The following CCDC150 variants were observed in gnomAD, a reference collection of about 807,000 sequenced individuals.
CCDC150 encodes the protein coiled-coil domain containing 150, also known as coiled-coil domain-containing protein 150.
Under a neutral mutation model 156.5 loss-of-function variants are expected in CCDC150, and 151 were observed. That is an observed-to-expected ratio of 0.97 (90% CI 0.85 to 1.10). The LOEUF is 1.10. Among genes scored for constraint, CCDC150 ranks in the 50% least tolerant of loss-of-function variants. The pLI, the probability that CCDC150 is intolerant of heterozygous loss-of-function variation, is 0.00. For missense variants in CCDC150, 1,312 were observed against 1,268.1 expected (o/e 1.03, Z -0.53); for synonymous variants, 452 against 429.4 (o/e 1.05, Z -0.65).
chr2:196,693,122 G>A (rs964076774), intron 13 of CCDC150, among the ~76,000 whole-genome samples: 1 of 152,050 alleles, frequency 6.6e-6, no homozygotes, highest in East Asian at 1.9e-4. Context: ...TCAGAAACTA[G>A]GATTGCAACC....
chr2:196,721,110 A>C (rs1285565005), intron 20 of CCDC150, among the ~76,000 whole-genome samples: 3 of 151,826 alleles, frequency 2.0e-5, no homozygotes, highest in African/African-American at 7.3e-5. Context: ...TTCATAAATA[A>C]GGTTTTTTTT....
chr2:196,712,501 A>G (rs1697196899), intron 16 of CCDC150, 176 bp from the exon 17 acceptor site: 1 of 604,298 alleles, frequency 1.7e-6, no homozygotes, highest in Non-Finnish European at 3.0e-6. Flanking sequence ...AATGTACTCC[A>G]TAAACTTTAT....
chr2:196,699,321 G>A (rs1390677815), intron 14 of CCDC150, among the ~76,000 whole-genome samples: 6 of 152,256 alleles, frequency 3.9e-5, no homozygotes, highest in Admixed American at 3.3e-4. Flanking sequence ...AATTCTGACA[G>A]GACAAATACT....
At chr2:196,723,298 C>T (rs1478609649) in intron 21 of CCDC150, among the ~76,000 whole-genome samples, 1 of 152,068 alleles carries the variant, frequency 6.6e-6, no homozygotes. Context: ...GTCAGGAGAT[C>T]GAGACCATCC....
chr2:196,669,954 TAC>T, intron 8 of CCDC150, 78 bp downstream of exon 8: 1 of 1,072,374 alleles, frequency 9.3e-7, no homozygotes, highest in East Asian at 2.4e-5. Flanking sequence ...CATGTTGGCT[TAC>T]AGTGCTTCTT....
Position 196,725,976 on chromosome 2 carries a change from C to T in CCDC150, c.2433C>T (p.Asp811=). 1 of 1,593,708 alleles carries T rather than the reference C, an allele frequency of 6.3e-7. No individual in the cohort carries two copies. The highest frequency in any genetic ancestry group is 1.3e-5 in the African/African-American group (1 of 74,686). ...TCACCTCTCTTCTTCAAAACAGAGACCGGATGACTGAAGAGTCCAAAGTGG... is the reference window on the plus strand; with the variant it reads ...TCACCTCTCTTCTTCAAAACAGAGATCGGATGACTGAAGAGTCCAAAGTGG... ...LERQNLETFK[D]RMTEESKVEA... The change falls in exon 22 of 28, where the codon GAC becomes GAT. Residue 811 remains aspartate (D), a synonymous_variant. Coordinates refer to ENST00000389175, the MANE Select transcript of CCDC150 (RefSeq NM_001080539.2).
At chr2:196,693,789 T>G (rs544600163) in intron 13 of CCDC150, among the ~76,000 whole-genome samples, 8 of 152,306 alleles carry the variant, frequency 5.3e-5, no homozygotes, top group East Asian at 1.9e-4. Flanking sequence ...GATACATTTT[T>G]TAATCAACTA....
intron 5 of CCDC150, 112 bp from the exon 6 acceptor site, chr2:196,665,455 T>G (rs2125595859): frequency 1.8e-6 from 1 of 544,358 alleles, no homozygotes; most frequent in East Asian, 3.4e-5. Context: ...ATAAATGAAT[T>G]AAGACTGTTT....
At chr2:196,681,608 G>A (rs892310296) in intron 13 of CCDC150, among the ~76,000 whole-genome samples, 1 of 152,092 alleles carries the variant, frequency 6.6e-6, no homozygotes, top group African/African-American at 2.4e-5. Flanking sequence ...AAAAGTTCCA[G>A]TTTCTCCACA....
intron 5 of CCDC150, among the ~76,000 whole-genome samples, chr2:196,662,523 G>C (rs1406793993): frequency 6.6e-6 from 1 of 152,128 alleles, no homozygotes; most frequent in Non-Finnish European, 1.5e-5. Flanking sequence ...AGTCCTATGA[G>C]AATCTAATGC....
intron 15 of CCDC150, among the ~76,000 whole-genome samples, chr2:196,704,293 A>G (rs889232856): frequency 2.6e-5 from 4 of 152,206 alleles, no homozygotes; most frequent in African/African-American, 9.6e-5. Flanking sequence ...GCTGTACAGT[A>G]TTCCATTATG....
At chr2:196,671,424 TCTC>T (rs1694193718) in intron 8 of CCDC150, among the ~76,000 whole-genome samples, 1 of 114,032 alleles carries the variant, frequency 8.8e-6, no homozygotes, top group Non-Finnish European at 2.0e-5. Flanking sequence ...TTCTTTTCTC[TCTC>T]TTTTTTTTTT....
chr2:196,693,493 G>GGCGA, intron 13 of CCDC150, among the ~76,000 whole-genome samples: 1 of 152,104 alleles, frequency 6.6e-6, no homozygotes, highest in East Asian at 1.9e-4. Context: ...CAATAGATTT[G>GGCGA]CCCTTATATC....
At chr2:196,675,865 T>G (rs1249888631) in intron 10 of CCDC150, among the ~76,000 whole-genome samples, 2 of 152,208 alleles carry the variant, frequency 1.3e-5, no homozygotes, top group Admixed American at 6.5e-5. Flanking sequence ...TTTAAAAATT[T>G]GTTGGTATTA....
chr2:196,720,440 G>A (rs1028919946), intron 19 of CCDC150, 135 bp from the exon 20 acceptor site: 5 of 650,490 alleles, frequency 7.7e-6, no homozygotes, highest in Admixed American at 6.2e-5. Flanking sequence ...TTTTGTACTA[G>A]TGATATTTAC....
intron 13 of CCDC150, 82 bp downstream of exon 13, chr2:196,677,443 A>T: frequency 1.1e-6 from 1 of 922,776 alleles, no homozygotes; most frequent in African/African-American, 1.6e-5. Flanking sequence ...CTTAATGAGG[A>T]GATGGCTGAT....
At chr2:196,658,154 G>T (rs1161351157) in intron 4 of CCDC150, among the ~76,000 whole-genome samples, 6 of 152,090 alleles carry the variant, frequency 3.9e-5, no homozygotes, top group African/African-American at 1.4e-4. Flanking sequence ...GAAATTGGAG[G>T]CAGGGAAACC....
chr2:196,722,038 A>C (rs1330992181), intron 21 of CCDC150, among the ~76,000 whole-genome samples: 1 of 152,190 alleles, frequency 6.6e-6, no homozygotes, highest in Non-Finnish European at 1.5e-5. Context: ...CTTTAAAGGC[A>C]GATTTAGACA....
chr2:196,686,731 ATAT>A (rs960896343), intron 13 of CCDC150, among the ~76,000 whole-genome samples: 2 of 151,686 alleles, frequency 1.3e-5, no homozygotes, highest in African/African-American at 2.4e-5. Flanking sequence ...CATCACCCAG[ATAT>A]TATTATTTTT....
Sources: gnomAD v4.1 joint callset for allele counts (sites outside exome capture counted in the v4.1 genomes callset) on GRCh38, gnomAD v4.1.1 for gene constraint, MANE v1.5 for transcripts, NCBI Gene and HGNC (gene_info 2026-07-23, HGNC 2026-07-21) for gene names.